STAG1: variants seen among roughly 807,000 people sequenced by gnomAD.
The protein encoded by STAG1 is cohesin subunit SA-1.
A neutral mutation model predicts 170.9 loss-of-function variants in STAG1; 26 were observed. That is an observed-to-expected ratio of 0.15 (90% CI 0.11 to 0.21). The LOEUF is 0.21. Among genes scored for constraint, STAG1 ranks in the 10% least tolerant of loss-of-function variants. The pLI is 1.00. For synonymous variants in STAG1, 514 were observed against 497.7 expected (o/e 1.03, Z -0.44); for missense variants, 964 against 1,509.5 (o/e 0.64, Z 5.99).
intron 1 of STAG1, among the ~76,000 whole-genome samples, chr3:136,748,827 T>C (rs1351355543): frequency 6.6e-6 from 1 of 152,244 alleles, no homozygotes; most frequent in Non-Finnish European, 1.5e-5. Context: ...AATTTTCGTT[T>C]TTATTTTTAA....
chr3:136,604,608 G>T, intron 3 of STAG1, 135 bp from the exon 4 acceptor site: 1 of 752,128 alleles, frequency 1.3e-6, no homozygotes. Flanking sequence ...TCAAAAAAGT[G>T]CAAAGAGCAA....
intron 2 of STAG1, among the ~76,000 whole-genome samples, chr3:136,626,100 G>A (rs1940079998): frequency 6.6e-6 from 1 of 151,096 alleles, no homozygotes; most frequent in African/African-American, 2.4e-5. Context: ...AAATAATATT[G>A]TAAATGATGT....
intron 4 of STAG1, among the ~76,000 whole-genome samples, chr3:136,572,268 C>T (rs1055468452): frequency 2.6e-5 from 4 of 151,152 alleles, no homozygotes; most frequent in Non-Finnish European, 5.9e-5. Flanking sequence ...AAACATACTA[C>T]GAAGGAACTG....
chr3:136,551,208 T>TGAGAGAGAGAGAGA (rs57609965), intron 5 of STAG1, among the ~76,000 whole-genome samples: 13 of 44,476 alleles, frequency 2.9e-4, no homozygotes, highest in African/African-American at 6.1e-4. Context: ...TGAGAGAGAG[T>TGAGAGAGAGAGAGA]GAGAGAGAGA....
rs2088960386 is a variant in STAG1 at position 136,452,155 on chromosome 3, T to C, written c.1314-8A>G. Reference sequence around the variant, plus strand: ...TCATGTCTGCTAAATAGCCTGGAAATGAAAAACAGGGCATTGCAAAGTTAC... The same window carrying C: ...TCATGTCTGCTAAATAGCCTGGAAACGAAAAACAGGGCATTGCAAAGTTAC... On this transcript the variant is annotated splice_region_variant and splice_polypyrimidine_tract_variant and intron_variant, in intron 13 of 33. Coordinates refer to ENST00000383202, the MANE Select transcript of STAG1 (RefSeq NM_005862.3). 6.3e-7 allele frequency: 1 copy of C among 1,582,542 alleles called. No homozygotes were observed. Among genetic ancestry groups the C allele is most frequent in the African/African-American group, 1.3e-5 (1 of 74,096 alleles).
chr3:136,736,562 C>G (rs1454331800), intron 1 of STAG1: 12 of 1,511,078 alleles, frequency 7.9e-6, no homozygotes, highest in African/African-American at 1.4e-5. Flanking sequence ...CTTTCTTCCC[C>G]TTTGTATTGG....
At chr3:136,463,496 G>C (rs920477192) in intron 13 of STAG1, among the ~76,000 whole-genome samples, 1 of 151,974 alleles carries the variant, frequency 6.6e-6, no homozygotes, top group Admixed American at 6.6e-5. Context: ...TTCAAAGCTA[G>C]TAATTTAAAT....
At chr3:136,369,365 AAC>A in intron 23 of STAG1, 83 bp from the exon 24 acceptor site, 2 of 1,161,780 alleles carry the variant, frequency 1.7e-6, no homozygotes, top group Non-Finnish European at 2.4e-6. Context: ...ATGAAATTAA[AAC>A]ATAGTTTAAT....
chr3:136,508,107 T>C (rs1478598472), intron 7 of STAG1, among the ~76,000 whole-genome samples: 3 of 152,078 alleles, frequency 2.0e-5, no homozygotes, highest in Non-Finnish European at 2.9e-5. Flanking sequence ...AAAATGAAAC[T>C]GGGGCTAGAG....
At chr3:136,575,054 G>C (rs1937404931) in intron 4 of STAG1, among the ~76,000 whole-genome samples, 1 of 152,132 alleles carries the variant, frequency 6.6e-6, no homozygotes, top group Non-Finnish European at 1.5e-5. Flanking sequence ...GTTTGGTAAT[G>C]AGAAAATTTT....
At chr3:136,740,110 G>C (rs1184094271) in intron 1 of STAG1, among the ~76,000 whole-genome samples, 1 of 151,730 alleles carries the variant, frequency 6.6e-6, no homozygotes, top group Non-Finnish European at 1.5e-5. Context: ...GAATTTTAAA[G>C]CACGGTGGCA....
intron 9 of STAG1, among the ~76,000 whole-genome samples, chr3:136,486,284 A>C (rs1269230215): frequency 6.6e-6 from 1 of 152,194 alleles, no homozygotes; most frequent in Non-Finnish European, 1.5e-5. Flanking sequence ...GATATTTAAA[A>C]ATGTCTACAT....
intron 13 of STAG1, among the ~76,000 whole-genome samples, chr3:136,459,220 G>GAAAAAAAAAAAAAAAA (rs769155825): frequency 1.1e-5 from 1 of 91,612 alleles, no homozygotes. Flanking sequence ...CTGTCTTAAA[G>GAAAAAAAAAAAAAAAA]AAAAAAAAAA....
At chr3:136,696,659 G>A (rs1942901694) in intron 1 of STAG1, among the ~76,000 whole-genome samples, 1 of 152,084 alleles carries the variant, frequency 6.6e-6, no homozygotes, top group Non-Finnish European at 1.5e-5. Context: ...TATACTTACT[G>A]CTCAATTTTG....
intron 1 of STAG1, among the ~76,000 whole-genome samples, chr3:136,745,116 A>G (rs1934870843): frequency 6.6e-6 from 1 of 152,184 alleles, no homozygotes; most frequent in Admixed American, 6.5e-5. Context: ...TGTTTTTGTA[A>G]CTGCTAGCAG....
At chr3:136,639,275 C>T (rs111267360) in intron 1 of STAG1, among the ~76,000 whole-genome samples, 101 of 151,844 alleles carry the variant, frequency 6.7e-4, no homozygotes, top group African/African-American at 2.4e-3. Flanking sequence ...GTCAAGGATG[C>T]AGTGAGCCAT....
rs1385243487 is a variant in STAG1, at chr3:136,508,031, T to C, written c.677-5252A>G. Among the ~76,000 whole-genome samples the C allele has an allele frequency of 3.3e-5, 5 of 152,068 alleles. 1 individual carries two copies. Among genetic ancestry groups the C allele is most frequent in the Admixed American group, 2.0e-4 (3 of 15,268 alleles). ...TGAAGTAGTAGAGACAGAAACCTAA[T>C]AGGAGAGGACTGAGTGGAGAGAGTG... On this transcript the variant is annotated intron_variant, in intron 7 of 33. Transcript: ENST00000383202.
chr3:136,385,527 G>C (rs1323160986), intron 22 of STAG1, among the ~76,000 whole-genome samples: 2 of 152,216 alleles, frequency 1.3e-5, no homozygotes, highest in Admixed American at 6.5e-5. Flanking sequence ...GTAAATCATA[G>C]TATCTTGGTT....
In STAG1 at chr3:136,367,021, A is replaced by G. The variant is rs761533678; in HGVS notation, c.2607T>C (p.Leu869=). 3.7e-6 allele frequency: 6 copies of G among 1,611,062 alleles called. No individual in the cohort carries two copies. In the East Asian group the frequency reaches 1.3e-4, roughly 36 times the overall value. Residue 869 remains leucine (L), a synonymous_variant, in exon 25 of 34, where the codon CTT becomes CTC. Coordinates refer to ENST00000383202, the MANE Select transcript of STAG1 (RefSeq NM_005862.3). ...AAATGATAAGTTTGCTGAAAGCAGC[A>G]AGTAGATTCCTTCTTTTATGTAAGG... ...IEALHKRRNL[L]AAFSKLIIYD...
Sources: allele counts gnomAD v4.1 joint callset (sites outside exome capture counted in the v4.1 genomes callset), GRCh38; gene constraint gnomAD v4.1.1; transcripts MANE v1.5; gene names NCBI Gene and HGNC (gene_info 2026-07-23, HGNC 2026-07-21).